Variants in TBC1D9B observed in about 807,000 individuals in gnomAD.
TBC1D9B encodes the protein TBC1 domain family member 9B, also known as TBC1 domain family, member 9B (with GRAM domain).
TBC1D9B carries 87 observed loss-of-function variants against 121.1 expected under a neutral mutation model. The observed-to-expected ratio is 0.72, with a 90% CI of 0.60 to 0.86. The LOEUF is 0.86. Ranked by LOEUF, TBC1D9B falls within the 40% of genes least tolerant of loss-of-function variation. The probability of loss-of-function intolerance (pLI) is 0.00; values close to 1 mark genes in which losing one functional copy is unlikely to be tolerated. For synonymous variants in TBC1D9B, 668 were observed against 670.1 expected, an observed-to-expected ratio of 1.00 and a Z score of 0.05; for missense variants, 1,540 against 1,628.6, an observed-to-expected ratio of 0.95 and a Z score of 0.94.
chr5:179,877,001 G>A (rs1171803752), intron 10 of TBC1D9B, among the ~76,000 whole-genome samples: 1 of 150,628 alleles, frequency 6.6e-6, no homozygotes, highest in Non-Finnish European at 1.5e-5. Context: ...AGCCCAGTAG[G>A]TGGAGGCTGC....
chr5:179,866,048 C>T, intron 18 of TBC1D9B, 160 bp from the exon 19 acceptor site: 1 of 741,940 alleles, frequency 1.3e-6, no homozygotes, highest in Non-Finnish European at 2.2e-6. Flanking sequence ...CCTGGCCCGC[C>T]CAGCCCCGCC....
intron 2 of TBC1D9B, among the ~76,000 whole-genome samples, chr5:179,903,129 G>A (rs1424016736): frequency 1.3e-5 from 2 of 152,220 alleles, no homozygotes; most frequent in Non-Finnish European, 2.9e-5. Context: ...CTACCCTGGA[G>A]AACAAGGGCA....
Position 179,890,788 on chromosome 5 carries a change from G to A in TBC1D9B, c.1044+591C>T, listed in dbSNP as rs1173558675. Reference sequence around the variant, plus strand: ...TTGTCCTTGCTGTCCACACCCCTTCGGTGCAGTGCAGGACAGATGGCCTTG... The same window carrying A: ...TTGTCCTTGCTGTCCACACCCCTTCAGTGCAGTGCAGGACAGATGGCCTTG... On this transcript the variant is annotated intron_variant, in intron 6 of 20. Transcript: ENST00000355235. The surrounding 1 kb of genome is among the most constrained non-coding windows in gnomAD (Gnocchi z 5.0). 2.0e-5 allele frequency among the ~76,000 whole-genome samples: 3 copies of A among 152,166 alleles called. No homozygotes were observed. Among genetic ancestry groups the A allele is most frequent in the Admixed American group, 2.0e-4 (3 of 15,276 alleles).
At position 179,888,294 on chromosome 5, in the gene TBC1D9B, C is replaced by T; in HGVS notation, c.1063G>A (p.Ala355Thr). ...PLREVTIVEK[A>T]DSSSVLPSPL... is the part of the protein sequence containing the mutation. ...CTGGGCAGCACGCTGGAGCTGTCAG[C>T]TTTTTCGACAATGGTCACCTGAGAA... Residue 355 changes from alanine to threonine, a missense_variant, in exon 7 of 21, where the codon GCT (alanine) becomes ACT (threonine). Coordinates refer to ENST00000355235, the MANE Select transcript of TBC1D9B (RefSeq NM_015043.4). 3 of 1,610,370 alleles carry T rather than the reference C, an allele frequency of 1.9e-6. No homozygotes were observed. Among genetic ancestry groups the T allele is most frequent in the Non-Finnish European group, 2.5e-6 (3 of 1,179,118 alleles).
chr5:179,881,915 T>C (rs1582088662), intron 7 of TBC1D9B, among the ~76,000 whole-genome samples: 1 of 151,940 alleles, frequency 6.6e-6, no homozygotes, highest in East Asian at 1.9e-4. Context: ...GTGAGCTTAT[T>C]CTATTTTCCA....
At position 179,875,130 on chromosome 5, in the gene TBC1D9B, A is replaced by G; in HGVS notation, c.1958T>C (p.Leu653Pro). The change falls in exon 12 of 21, where the codon CTC (leucine) becomes CCC (proline). Residue 653 changes from leucine (L) to proline (P), a missense_variant. By Grantham distance (98) the Leu-to-Pro change is moderately conservative (BLOSUM62 -3). Coordinates refer to ENST00000355235, the MANE Select transcript of TBC1D9B (RefSeq NM_015043.4). The surrounding 1 kb of genome is among the most constrained non-coding windows in gnomAD (Gnocchi z 4.5). ...CCCCAGGTCCTGCATCTTCTCCGAG[A>G]GCTGCGGCAGGAAGTCTCTCGTGAG... ...EELTRDFLPQ[L>P]SEKMQDLGVI... 6.2e-7 allele frequency: 1 copy of G among 1,613,922 alleles called. No individual in the cohort carries two copies. Among genetic ancestry groups the G allele is most frequent in the South Asian group, 1.1e-5 (1 of 91,084 alleles).
intron 12 of TBC1D9B, among the ~76,000 whole-genome samples, chr5:179,873,746 C>G (rs1488300886): frequency 6.6e-6 from 1 of 152,172 alleles, no homozygotes; most frequent in Non-Finnish European, 1.5e-5. Flanking sequence ...CCTCTGTCAG[C>G]TGACCTAGCC....
chr5:179,897,306 ATTTTC>A (rs1210398111), intron 3 of TBC1D9B, among the ~76,000 whole-genome samples: 3 of 143,926 alleles, frequency 2.1e-5, no homozygotes, highest in African/African-American at 7.7e-5. Flanking sequence ...TATTTCAATC[ATTTTC>A]TTTTCTTTTT....
intron 1 of TBC1D9B, among the ~76,000 whole-genome samples, chr5:179,906,961 A>G (rs1045069485): frequency 6.6e-6 from 1 of 152,140 alleles, no homozygotes; most frequent in African/African-American, 2.4e-5. Flanking sequence ...GGGGCCCCGG[A>G]CACCACCTGC....
intron 3 of TBC1D9B, among the ~76,000 whole-genome samples, chr5:179,895,207 T>G (rs1240461352): frequency 6.6e-6 from 1 of 152,198 alleles, no homozygotes; most frequent in Non-Finnish European, 1.5e-5. Flanking sequence ...GTAAAATTGT[T>G]GAAACATTAT....
chr5:179,870,369 G>A lies in TBC1D9B; in HGVS notation c.2611C>T (p.Leu871=). The change falls in exon 16 of 21, where the codon CTG becomes TTG. Residue 871 remains leucine, a synonymous_variant. Coordinates refer to ENST00000355235, the MANE Select transcript of TBC1D9B (RefSeq NM_015043.4). ...TGGGAGCCACAGGCCCAGGGTGTCA[G>A]GCTGGCAAAGAGTTCCCGGAACTGG... ...ASQFRELFAS[L]TPWACGSHTP... 1 of 1,613,874 alleles carries A rather than the reference G, an allele frequency of 6.2e-7. No homozygotes were observed. Among genetic ancestry groups the A allele is most frequent in the Non-Finnish European group, 8.5e-7 (1 of 1,180,024 alleles).
intron 7 of TBC1D9B, among the ~76,000 whole-genome samples, chr5:179,881,367 C>T (rs1437655187): frequency 1.3e-5 from 2 of 152,132 alleles, no homozygotes; most frequent in African/African-American, 2.4e-5. Flanking sequence ...GGGAACAATC[C>T]GAGCCCTCCA....
chr5:179,868,518 C>T (rs1039589604), intron 17 of TBC1D9B: 13 of 152,366 alleles, frequency 8.5e-5, no homozygotes, highest in African/African-American at 3.1e-4. Context: ...ATCCAATCAA[C>T]ACAATTAGGA....
Position 179,863,488 on chromosome 5 carries a change from C to G in TBC1D9B, c.3662G>C (p.Ser1221Thr), listed in dbSNP as rs764068590. ...KDQKKVERQF[S>T]TASDHEQPGV... ...AGGCTGCTCATGGTCACTGGCGGTGCTGAACTGTCTCTCCACTTTCTTTTG... is the reference window on the plus strand; with the variant it reads ...AGGCTGCTCATGGTCACTGGCGGTGGTGAACTGTCTCTCCACTTTCTTTTG... Residue 1221 changes from serine (S) to threonine (T), a missense_variant, in exon 21 of 21, where the codon AGC becomes ACC. Ser to Thr is a moderately conservative substitution (Grantham distance 58). Transcript: ENST00000355235. This position sits in a 1 kb window ranked among gnomAD's most constrained non-coding sequence, Gnocchi z 4.5. 1 of 1,614,212 alleles carries G rather than the reference C, an allele frequency of 6.2e-7. No homozygotes were observed.
In TBC1D9B at chr5:179,904,228, T is replaced by C. The variant is rs993293385; in HGVS notation, c.229+474A>G. Among the ~76,000 whole-genome samples the C allele has an allele frequency of 5.5e-5, 8 of 144,540 alleles. No individual in the cohort carries two copies. The highest frequency in any genetic ancestry group is 1.6e-4 in the African/African-American group (6 of 38,042). 94.8% of individuals were successfully genotyped at this position (144,540 alleles called of 152,430 possible). On this transcript the variant is annotated intron_variant, in intron 2 of 20. Transcript: ENST00000355235. The surrounding 1 kb of genome is among the most constrained non-coding windows in gnomAD (Gnocchi z 4.2). ...ATGACCAGTGGAGCTGCCTTTTTTT[T>C]TTTTTTTTTTTTTTGAGACGGAATC...
chr5:179,872,748 G>T, intron 14 of TBC1D9B, 144 bp downstream of exon 14: 3 of 736,266 alleles, frequency 4.1e-6, no homozygotes, highest in Non-Finnish European at 6.6e-6. Flanking sequence ...CCTGGATCCC[G>T]GTCCCATGAA....
chr5:179,891,237 G>C lies in TBC1D9B; in HGVS notation c.1044+142C>G. The C allele has an allele frequency of 1.1e-6, 1 of 904,456 alleles. No individual in the cohort carries two copies. The highest frequency in any genetic ancestry group is 1.7e-6 in the Non-Finnish European group (1 of 581,830). 56.0% of individuals were successfully genotyped at this position (904,456 alleles called of 1,614,324 possible). On this transcript the variant is annotated intron_variant, in intron 6 of 20. Coordinates refer to ENST00000355235, the MANE Select transcript of TBC1D9B (RefSeq NM_015043.4). The surrounding 1 kb of genome is among the most constrained non-coding windows in gnomAD (Gnocchi z 4.3). ...TACACCCTCCACCTGTCCCATCACTGAGTGACATGTGACTGCCTGGGCTAG... is the reference window on the plus strand; with the variant it reads ...TACACCCTCCACCTGTCCCATCACTCAGTGACATGTGACTGCCTGGGCTAG...
At chr5:179,887,987 C>T in intron 7 of TBC1D9B, 116 bp downstream of exon 7, 1 of 1,315,634 alleles carries the variant, frequency 7.6e-7, no homozygotes, top group Non-Finnish European at 1.1e-6. Context: ...CACATCCACC[C>T]CTAGGCGGAG....
intron 10 of TBC1D9B, 63 bp downstream of exon 10, chr5:179,878,246 G>T (rs1224517608): frequency 2.6e-6 from 4 of 1,534,776 alleles, no homozygotes; most frequent in South Asian, 1.2e-5. Context: ...GGGACCACAG[G>T]GACCTGCTCC....
Sources: allele counts gnomAD v4.1 joint callset (sites outside exome capture counted in the v4.1 genomes callset), GRCh38; gene constraint gnomAD v4.1.1; non-coding constraint Gnocchi (gnomAD v3.1); transcripts MANE v1.5; gene names NCBI Gene and HGNC (gene_info 2026-07-23, HGNC 2026-07-21).